Variants in CAMK2D observed in about 807,000 individuals in gnomAD.
CAMK2D encodes the protein calcium/calmodulin dependent protein kinase II delta.
A neutral mutation model predicts 84.0 loss-of-function variants in CAMK2D; 37 were observed. The observed-to-expected ratio is 0.44, with a 90% CI of 0.34 to 0.58. CAMK2D has a LOEUF of 0.58. Among genes scored for constraint, CAMK2D ranks in the 20% least tolerant of loss-of-function variants. The pLI is 0.02. For synonymous variants in CAMK2D, 202 were observed against 212.5 expected (o/e 0.95, Z 0.43); for missense variants, 448 against 652.5 (o/e 0.69, Z 3.41).
chr4:113,573,012 G>T (rs1370074752), intron 4 of CAMK2D, among the ~76,000 whole-genome samples: 1 of 152,098 alleles, frequency 6.6e-6, no homozygotes, highest in Non-Finnish European at 1.5e-5. Context: ...TGAACACAAA[G>T]AAGGAAACAA....
chr4:113,489,997 T>G lies in CAMK2D; in HGVS notation c.1135+10466A>C, dbSNP rs867980014. Among the ~76,000 whole-genome samples, 1,078 of 152,046 alleles carry G rather than the reference T, an allele frequency of 7.1e-3. 17 individuals carry two copies. Among genetic ancestry groups the G allele is most frequent in the Middle Eastern group, 0.037 (11 of 294 alleles). On this transcript the variant is annotated intron_variant, in intron 16 of 20. Coordinates refer to ENST00000511664, the MANE Select transcript of CAMK2D (RefSeq NM_001321571.2). The stretch of plus-strand genomic sequence containing the variant: ...CACTTTTTGATGGGGTTGTTTGTTT[T>G]TTTCTTGTAAATGTGTTTGAGTTCA...
At chr4:113,666,608 C>T (rs1450845321) in intron 2 of CAMK2D, among the ~76,000 whole-genome samples, 1 of 151,882 alleles carries the variant, frequency 6.6e-6, no homozygotes, top group Non-Finnish European at 1.5e-5. Flanking sequence ...CATGCACACA[C>T]ACGCACACGC....
intron 16 of CAMK2D, among the ~76,000 whole-genome samples, chr4:113,482,055 T>G (rs1298738792): frequency 6.6e-6 from 1 of 152,222 alleles, no homozygotes; most frequent in Non-Finnish European, 1.5e-5. Context: ...ATGGTAGGCC[T>G]TTTAATAGAT....
chr4:113,518,810 G>C (rs1010482063), intron 8 of CAMK2D, among the ~76,000 whole-genome samples: 1 of 152,066 alleles, frequency 6.6e-6, no homozygotes, highest in Non-Finnish European at 1.5e-5. Flanking sequence ...TTATACAATA[G>C]ACACTGTAGC....
intron 2 of CAMK2D, among the ~76,000 whole-genome samples, chr4:113,702,545 C>CA (rs1418533284): frequency 6.6e-6 from 1 of 151,542 alleles, no homozygotes; most frequent in Non-Finnish European, 1.5e-5. Context: ...TTTCAAAAAG[C>CA]AAAAAAATAT....
intron 4 of CAMK2D, among the ~76,000 whole-genome samples, chr4:113,601,033 T>C (rs2098949751): frequency 1.3e-5 from 2 of 152,228 alleles, no homozygotes; most frequent in Admixed American, 1.3e-4. Flanking sequence ...CTGGAATTTA[T>C]GACAATTATC....
chr4:113,752,883 T>G (rs1247710168), intron 2 of CAMK2D, among the ~76,000 whole-genome samples: 2 of 152,160 alleles, frequency 1.3e-5, no homozygotes, highest in East Asian at 3.8e-4. Flanking sequence ...CTAAATGTAT[T>G]TTCCCAAAGA....
intron 6 of CAMK2D, 86 bp from the exon 7 acceptor site, chr4:113,537,529 G>A (rs2098501868): frequency 1.3e-6 from 1 of 782,390 alleles, no homozygotes; most frequent in South Asian, 1.6e-5. Context: ...TACAGGATTA[G>A]GGGGAAAAAA....
chr4:113,756,041 A>G (rs2099627849), intron 2 of CAMK2D, among the ~76,000 whole-genome samples: 2 of 152,052 alleles, frequency 1.3e-5, no homozygotes, highest in Admixed American at 1.3e-4. Flanking sequence ...TGCTCAGTAT[A>G]ATGAATGTTC....
chr4:113,678,412 C>G (rs1248164811), intron 2 of CAMK2D, among the ~76,000 whole-genome samples: 2 of 151,898 alleles, frequency 1.3e-5, no homozygotes. Context: ...CATCAGTGGG[C>G]TAAACTAAGA....
chr4:113,644,153 T>C (rs1210716389), intron 3 of CAMK2D, among the ~76,000 whole-genome samples: 1 of 152,104 alleles, frequency 6.6e-6, no homozygotes, highest in African/African-American at 2.4e-5. Flanking sequence ...ACTCAGGGTG[T>C]TTTGAGAAAG....
At chr4:113,745,545 C>T (rs951777856) in intron 2 of CAMK2D, among the ~76,000 whole-genome samples, 5 of 152,058 alleles carry the variant, frequency 3.3e-5, no homozygotes, top group African/African-American at 1.2e-4. Flanking sequence ...AGCTTACTTT[C>T]GACAGGCATA....
rs545435732 is a variant in CAMK2D at position 113,632,619 on chromosome 4, T to TA, written c.221-23414dup. On this transcript the variant is annotated intron_variant, in intron 3 of 20. Coordinates refer to ENST00000511664, the MANE Select transcript of CAMK2D (RefSeq NM_001321571.2). Reference sequence around the variant, plus strand: ...CAGGCTGGAGTGCAGTAGCTCAGTTTAAAAAAAAAAAAGAAAAAAATCAAA... The same window carrying TA: ...CAGGCTGGAGTGCAGTAGCTCAGTTTAAAAAAAAAAAAAGAAAAAAATCAAA... Among the ~76,000 whole-genome samples the TA allele has an allele frequency of 5.8e-3, 827 of 143,532 alleles. 10 individuals carry two copies. Among genetic ancestry groups the TA allele is most frequent in the African/African-American group, 0.017 (664 of 39,338 alleles). 94.2% of individuals were successfully genotyped at this position (143,532 alleles called of 152,430 possible).
At chr4:113,519,859 C>T (rs534045623) in intron 8 of CAMK2D, among the ~76,000 whole-genome samples, 3 of 152,032 alleles carry the variant, frequency 2.0e-5, no homozygotes, top group Non-Finnish European at 4.4e-5. Context: ...AAGAAACAGG[C>T]TGAGAGATTA....
chr4:113,721,355 T>C (rs529984046), intron 2 of CAMK2D, among the ~76,000 whole-genome samples: 155 of 152,304 alleles, frequency 1.0e-3, no homozygotes, highest in African/African-American at 3.7e-3. Flanking sequence ...TTCAGCTACC[T>C]AAATATAATT....
chr4:113,588,104 C>T (rs2098842290), intron 4 of CAMK2D, among the ~76,000 whole-genome samples: 1 of 151,950 alleles, frequency 6.6e-6, no homozygotes, highest in Non-Finnish European at 1.5e-5. Flanking sequence ...TTGAAGAATG[C>T]AACCACTGAG....
At chr4:113,539,662 G>C (rs888095705) in intron 6 of CAMK2D, among the ~76,000 whole-genome samples, 1 of 152,172 alleles carries the variant, frequency 6.6e-6, no homozygotes, top group Non-Finnish European at 1.5e-5. Context: ...GAGTCATCCA[G>C]AAAATAGTAA....
chr4:113,656,776 A>G (rs1272297011), intron 3 of CAMK2D, among the ~76,000 whole-genome samples: 1 of 152,082 alleles, frequency 6.6e-6, no homozygotes, highest in Non-Finnish European at 1.5e-5. Context: ...ATCAGTTTAA[A>G]TGTGACCTCC....
intron 4 of CAMK2D, among the ~76,000 whole-genome samples, chr4:113,569,127 C>T (rs2098739939): frequency 1.3e-5 from 2 of 152,176 alleles, no homozygotes; most frequent in African/African-American, 4.8e-5. Context: ...AAGTGATTCT[C>T]CCACCTCTGC....
Sources: allele counts gnomAD v4.1 joint callset (sites outside exome capture counted in the v4.1 genomes callset), GRCh38; gene constraint gnomAD v4.1.1; transcripts MANE v1.5; gene names NCBI Gene and HGNC (gene_info 2026-07-23, HGNC 2026-07-21).